Variants in CABCOCO1 observed in about 807,000 individuals in gnomAD.
CABCOCO1 encodes ciliary-associated calcium-binding coiled-coil protein 1.
In CABCOCO1, 28 loss-of-function variants were observed where a neutral mutation model predicts 35.7. That is an observed-to-expected ratio of 0.78 (90% CI 0.58 to 1.07). CABCOCO1 has a LOEUF of 1.07. Among genes scored for constraint, CABCOCO1 ranks in the 50% least tolerant of loss-of-function variants. The pLI, the probability that CABCOCO1 is intolerant of heterozygous loss-of-function variation, is 0.00. For synonymous variants in CABCOCO1, 95 were observed against 100.1 expected, an observed-to-expected ratio of 0.95 and a Z score of 0.30; for missense variants, 326 against 309.2, an observed-to-expected ratio of 1.05 and a Z score of -0.41.
chr10:61,726,549 T>C (rs918636447), intron 5 of CABCOCO1, among the ~76,000 whole-genome samples: 6 of 152,078 alleles, frequency 3.9e-5, no homozygotes, highest in Non-Finnish European at 7.4e-5. Context: ...TTTTTACTAC[T>C]TGTATTGCTT....
chr10:61,709,164 A>G (rs1840665631), intron 5 of CABCOCO1, among the ~76,000 whole-genome samples: 2 of 152,196 alleles, frequency 1.3e-5, no homozygotes, highest in African/African-American at 4.8e-5. Flanking sequence ...AATAAGAGAG[A>G]TACGTAGTTG....
chr10:61,680,702 GTTATACATGTATAACATATATA>G lies in CABCOCO1; in HGVS notation c.165-435_165-414del, dbSNP rs1589117061. ...TGTTATACATGTATAACATATATATGTTATACATGTATAACATATATATTATATATATAATATATATATCTCA... is the reference window on the plus strand; with the variant it reads ...TGTTATACATGTATAACATATATATGTTATATATATAATATATATATCTCA... On this transcript the variant is annotated intron_variant, in intron 2 of 7. Transcript: ENST00000648843. Among the ~76,000 whole-genome samples, 2 of 81,172 alleles carry G rather than the reference GTTATACATGTATAACATATATA, an allele frequency of 2.5e-5. 1 individual carries two copies. Among genetic ancestry groups the G allele is most frequent in the Admixed American group, 2.9e-4 (2 of 6,890 alleles). 53.3% of individuals were successfully genotyped at this position (81,172 alleles called of 152,430 possible).
intron 4 of CABCOCO1, among the ~76,000 whole-genome samples, 173 bp from the exon 5 acceptor site, chr10:61,690,376 T>C (rs181105668): frequency 4.2e-4 from 64 of 152,240 alleles, no homozygotes; most frequent in African/African-American, 1.5e-3. Context: ...ACTCTTAATT[T>C]CTTAGTATTT....
rs371378628 is a variant in CABCOCO1 at position 61,713,766 on chromosome 10, A to C, written c.552+23145A>C. ...GGCCTTTTCTGCATCTATTGAGATAATCATGTGGTTTTTGTCATTGGTTCT... is the reference window on the plus strand; with the variant it reads ...GGCCTTTTCTGCATCTATTGAGATACTCATGTGGTTTTTGTCATTGGTTCT... On this transcript the variant is annotated intron_variant, in intron 5 of 7. Transcript: ENST00000648843. Among the ~76,000 whole-genome samples, 6 of 152,284 alleles carry C rather than the reference A, an allele frequency of 3.9e-5. No individual in the cohort carries two copies. The East Asian group carries it at 1.2e-3, about 29-fold the overall frequency.
chr10:61,726,439 G>A (rs1003284763), intron 5 of CABCOCO1, among the ~76,000 whole-genome samples: 4 of 151,548 alleles, frequency 2.6e-5, no homozygotes, highest in Non-Finnish European at 1.5e-5. Context: ...AAAAATGTGG[G>A]CTATATTTTT....
chr10:61,764,501 A>C (rs1474539695), intron 7 of CABCOCO1, among the ~76,000 whole-genome samples: 1 of 152,172 alleles, frequency 6.6e-6, no homozygotes, highest in Admixed American at 6.6e-5. Context: ...TTTTAAGGTA[A>C]GAGCTAAAAT....
intron 3 of CABCOCO1, among the ~76,000 whole-genome samples, chr10:61,683,230 T>C (rs1228571546): frequency 6.6e-6 from 1 of 152,022 alleles, no homozygotes; most frequent in Non-Finnish European, 1.5e-5. Flanking sequence ...CACTATAATT[T>C]TGAAAATAGG....
At chr10:61,738,913 G>A (rs1841484542) in intron 5 of CABCOCO1, among the ~76,000 whole-genome samples, 1 of 152,070 alleles carries the variant, frequency 6.6e-6, no homozygotes, top group Non-Finnish European at 1.5e-5. Context: ...CTCTTAAGCA[G>A]AACAGTTTGA....
At chr10:61,697,758 C>A (rs976748980) in intron 5 of CABCOCO1, among the ~76,000 whole-genome samples, 1 of 151,980 alleles carries the variant, frequency 6.6e-6, no homozygotes, top group African/African-American at 2.4e-5. Context: ...AAATTAAGTG[C>A]AGCATATAAA....
chr10:61,718,011 C>T (rs1306916336), intron 5 of CABCOCO1, among the ~76,000 whole-genome samples: 4 of 152,136 alleles, frequency 2.6e-5, no homozygotes, highest in African/African-American at 9.7e-5. Flanking sequence ...TTATGACAAG[C>T]TCTGAATGGA....
intron 5 of CABCOCO1, among the ~76,000 whole-genome samples, chr10:61,706,891 C>A (rs1333565630): frequency 6.6e-6 from 1 of 152,136 alleles, no homozygotes; most frequent in African/African-American, 2.4e-5. Flanking sequence ...TCCCCTTTCC[C>A]AATCACCCGA....
chr10:61,666,917 T>G (rs1332386663), intron 1 of CABCOCO1, among the ~76,000 whole-genome samples: 1 of 129,842 alleles, frequency 7.7e-6, no homozygotes, highest in Non-Finnish European at 1.6e-5. Context: ...ATATATAAAT[T>G]TCATATATTA....
rs376342452 is a variant in CABCOCO1, at chr10:61,760,042, T to C, written c.553-17T>C. The C allele has an allele frequency of 1.1e-5, 18 of 1,611,988 alleles. No homozygotes were observed. The highest frequency in any genetic ancestry group is 1.4e-5 in the Non-Finnish European group (17 of 1,178,870). On this transcript the variant is annotated splice_polypyrimidine_tract_variant and intron_variant, in intron 5 of 7. Transcript: ENST00000648843. Reference sequence around the variant, plus strand: ...ACCAAAGGCTCTGTCATAATTCAACTTTTTTCTTCCCATCAGCAAGTGATA... The same window carrying C: ...ACCAAAGGCTCTGTCATAATTCAACCTTTTTCTTCCCATCAGCAAGTGATA...
At chr10:61,729,306 C>G (rs1187035470) in intron 5 of CABCOCO1, among the ~76,000 whole-genome samples, 1 of 151,860 alleles carries the variant, frequency 6.6e-6, no homozygotes, top group African/African-American at 2.4e-5. Flanking sequence ...ATTATAAACC[C>G]AGTTTAAGAC....
At chr10:61,728,642 T>C (rs1430626235) in intron 5 of CABCOCO1, among the ~76,000 whole-genome samples, 2 of 152,204 alleles carry the variant, frequency 1.3e-5, no homozygotes, top group Non-Finnish European at 2.9e-5. Context: ...TAATATTAAA[T>C]AGATCCCAAA....
chr10:61,758,087 T>C (rs182688542), intron 5 of CABCOCO1, among the ~76,000 whole-genome samples: 58 of 152,178 alleles, frequency 3.8e-4, no homozygotes, highest in African/African-American at 1.3e-3. Context: ...ATTATCTCAG[T>C]GCCTGCAGTA....
intron 5 of CABCOCO1, among the ~76,000 whole-genome samples, chr10:61,728,286 C>G (rs1841211644): frequency 6.6e-6 from 1 of 151,988 alleles, no homozygotes; most frequent in Admixed American, 6.6e-5. Context: ...TGTTTATGTA[C>G]AAGGCCTTTA....
Position 61,751,266 on chromosome 10 carries a change from C to G in CABCOCO1, c.553-8793C>G, listed in dbSNP as rs1841778170. Reference sequence around the variant, plus strand: ...TAACAATTATGGAGCACCCACTCTGCTGCAAGCACTGGGCAAGCAGGGAAA... The same window carrying G: ...TAACAATTATGGAGCACCCACTCTGGTGCAAGCACTGGGCAAGCAGGGAAA... On this transcript the variant is annotated intron_variant, in intron 5 of 7. Transcript: ENST00000648843. Among the ~76,000 whole-genome samples the G allele has an allele frequency of 2.2e-5, 3 of 139,208 alleles. No homozygotes were observed. The Admixed American group carries it at 2.3e-4, about 11-fold the overall frequency. The allele number at this position is 139,208 out of a possible 152,430, so 91.3% of individuals were successfully genotyped here. A position where few individuals can be genotyped will look rare whatever the true frequency, so the allele number is the denominator to read the frequency against.
At chr10:61,751,114 AG>A (rs1443711608) in intron 5 of CABCOCO1, among the ~76,000 whole-genome samples, 3 of 151,612 alleles carry the variant, frequency 2.0e-5, no homozygotes, top group African/African-American at 7.3e-5. Flanking sequence ...TGCAGGGAAA[AG>A]CTCCCCCAGC....
Sources: gnomAD v4.1 joint callset for allele counts (sites outside exome capture counted in the v4.1 genomes callset) on GRCh38, gnomAD v4.1.1 for gene constraint, MANE v1.5 for transcripts, NCBI Gene and HGNC (gene_info 2026-07-23, HGNC 2026-07-21) for gene names.